LLGL1: variants seen among roughly 807,000 people sequenced by gnomAD.
LLGL1 encodes LLGL scribble cell polarity complex component 1.
A neutral mutation model predicts 110.6 loss-of-function variants in LLGL1; 58 were observed. That is an observed-to-expected ratio of 0.52 (90% CI 0.42 to 0.65). The LOEUF (loss-of-function observed/expected upper bound fraction) is 0.65. Ranked by LOEUF, LLGL1 falls within the 30% of genes least tolerant of loss-of-function variation. The pLI is 0.00. For missense variants in LLGL1, 1,229 were observed against 1,462.1 expected, an observed-to-expected ratio of 0.84 and a Z score of 2.60; for synonymous variants, 674 against 607.2, an observed-to-expected ratio of 1.11 and a Z score of -1.62.
chr17:18,237,325 A>G (rs1160905778), intron 13 of LLGL1, 156 bp from the exon 14 acceptor site: 1 of 700,456 alleles, frequency 1.4e-6, no homozygotes, highest in African/African-American at 1.8e-5. Flanking sequence ...GGTATACAGT[A>G]GGCATTCAGT....
In LLGL1 at chr17:18,231,466, C is replaced by T. The variant is rs150111992; in HGVS notation, c.180-1029C>T. 8.8e-3 allele frequency among the ~76,000 whole-genome samples: 1,340 copies of T among 152,304 alleles called. 12 individuals carry two copies. Among genetic ancestry groups the T allele is most frequent in the Non-Finnish European group, 0.014 (977 of 68,028 alleles). ...CCTCCCTGCACCCTCTGTCATGGGG[C>T]CCCCTCAGGCCCTGCTGTCCACCAT... On this transcript the variant is annotated intron_variant, in intron 2 of 22. Coordinates refer to ENST00000316843, the MANE Select transcript of LLGL1 (RefSeq NM_004140.4).
Position 18,241,930 on chromosome 17 carries a change from G to A in LLGL1, c.2813G>A (p.Ser938Asn), listed in dbSNP as rs907559516. ...SPSEFERFSL[S>N]ARNITEPLCS... ...TCAGAATTTGAACGCTTCTCCCTAA[G>A]TGCCCGGAACATCACAGAGCCGCTC... Residue 938 changes from serine to asparagine, a missense_variant, in exon 19 of 23, where the codon AGT (serine) becomes AAT (asparagine). Coordinates refer to ENST00000316843, the MANE Select transcript of LLGL1 (RefSeq NM_004140.4). 1.4e-5 allele frequency: 22 copies of A among 1,614,006 alleles called. No homozygotes were observed. Among genetic ancestry groups the A allele is most frequent in the Non-Finnish European group, 1.9e-5 (22 of 1,179,990 alleles).
At chr17:18,230,108 G>A in intron 2 of LLGL1, 70 bp downstream of exon 2, 1 of 1,242,120 alleles carries the variant, frequency 8.1e-7, no homozygotes, top group Non-Finnish European at 1.2e-6. Context: ...GTGCTCTGGG[G>A]TCCCAGTCTT....
chr17:18,234,080 G>C lies in LLGL1; in HGVS notation c.619G>C (p.Asp207His), dbSNP rs1284180579. 6.2e-7 allele frequency: 1 copy of C among 1,611,584 alleles called. No individual in the cohort carries two copies. Reference sequence around the variant, plus strand: ...GGAGTCACTCCAGGGACACCTGCGGGACCCCACAAAGATTCTCATTGGCTA... The same window carrying C: ...GGAGTCACTCCAGGGACACCTGCGGCACCCCACAAAGATTCTCATTGGCTA... The part of the protein sequence containing the change: ...PVESLQGHLR[D>H]PTKILIGYSR... The change falls in exon 6 of 23, where the codon GAC becomes CAC. Residue 207 changes from aspartate (D) to histidine (H), a missense_variant. By Grantham distance (81) the Asp-to-His change is moderately conservative (BLOSUM62 -1). Transcript: ENST00000316843.
rs745686309 is a variant in LLGL1 at position 18,234,642 on chromosome 17, C to G, written c.851-7C>G. 6.2e-7 allele frequency: 1 copy of G among 1,614,112 alleles called. No homozygotes were observed. The highest frequency in any genetic ancestry group is 2.2e-5 in the East Asian group (1 of 44,888). On this transcript the variant is annotated splice_region_variant and splice_polypyrimidine_tract_variant and intron_variant, in intron 7 of 22. Transcript: ENST00000316843. ...TGAGTCTGGTCTGACGCTGTCCCAC[C>G]CCTCAGGCCCCTTTCCCTGCAAGGC...
chr17:18,238,908 G>A (rs2142680926), intron 16 of LLGL1, among the ~76,000 whole-genome samples: 1 of 152,336 alleles, frequency 6.6e-6, no homozygotes, highest in South Asian at 2.1e-4. Flanking sequence ...CTACTTGGGA[G>A]GCTGAGGCAG....
chr17:18,237,986 G>T (rs909987188), intron 14 of LLGL1, 81 bp from the exon 15 acceptor site: 16 of 1,515,978 alleles, frequency 1.1e-5, no homozygotes, highest in Non-Finnish European at 1.1e-5. Context: ...CCTGACCTGG[G>T]TGCCTCCACA....
At chr17:18,228,759 G>A (rs541905474) in intron 1 of LLGL1, among the ~76,000 whole-genome samples, 1 of 152,278 alleles carries the variant, frequency 6.6e-6, no homozygotes, top group South Asian at 2.1e-4. Context: ...GTGGGAGAGA[G>A]AAGCCCCAGC....
Position 18,236,621 on chromosome 17 carries a change from C to T in LLGL1, c.1367C>T (p.Thr456Ile). Residue 456 changes from threonine to isoleucine, a missense_variant, in exon 12 of 23, where the codon ACC becomes ATC. Physicochemically the swap from Thr to Ile is moderately conservative, Grantham distance 89. Transcript: ENST00000316843. The stretch of plus-strand genomic sequence containing the variant: ...CCTCCCTGCAGCCATGAGGACGGCA[C>T]CGTGAGGTTCTGGGATGCCTCGGGT... ...GLLLTGHEDG[T>I]VRFWDASGVA... 1 of 1,612,148 alleles carries T rather than the reference C, an allele frequency of 6.2e-7. No individual in the cohort carries two copies. Among genetic ancestry groups the T allele is most frequent in the Non-Finnish European group, 8.5e-7 (1 of 1,179,378 alleles).
rs1449791423 is a variant in LLGL1, at chr17:18,240,899, C to CTT, written c.2502+27_2502+28insTT. 1 of 1,487,934 alleles carries CTT rather than the reference C, an allele frequency of 6.7e-7. No homozygotes were observed. Among genetic ancestry groups the CTT allele is most frequent in the Non-Finnish European group, 9.0e-7 (1 of 1,109,632 alleles). The allele number at this position is 1,487,934 out of a possible 1,614,324, so 92.2% of individuals were successfully genotyped here. A position where few individuals can be genotyped will look rare whatever the true frequency, so the allele number is the denominator to read the frequency against. Reference sequence around the variant, plus strand: ...GTGAGCCACTGTGGGCTGTGGGGGACTCTGGGGGACTCCCCTCCAGGCCCC... The same window carrying CTT: ...GTGAGCCACTGTGGGCTGTGGGGGACTTTCTGGGGGACTCCCCTCCAGGCCCC... On this transcript the variant is annotated intron_variant, in intron 17 of 22. Coordinates refer to ENST00000316843, the MANE Select transcript of LLGL1 (RefSeq NM_004140.4). This position sits in a 1 kb window ranked among gnomAD's most constrained non-coding sequence, Gnocchi z 5.3.
rs1045480644 is a variant in LLGL1, at chr17:18,234,858, A to G, written c.925A>G (p.Ser309Gly). The G allele has an allele frequency of 6.2e-7, 1 of 1,613,856 alleles. No individual in the cohort carries two copies. The highest frequency in any genetic ancestry group is 8.5e-7 in the Non-Finnish European group (1 of 1,179,984). The change falls in exon 9 of 23, where the codon AGC becomes GGC. Residue 309 changes from serine (S) to glycine (G), a missense_variant. Coordinates refer to ENST00000316843, the MANE Select transcript of LLGL1 (RefSeq NM_004140.4). ...CESGGHFIIF[S>G]GGMPRASYGD... ...ACATAGGGGCCACTTTATCATCTTC[A>G]GCGGTGGCATGCCCCGTGCCAGCTA...
rs777704176 is a variant in LLGL1 at position 18,238,128 on chromosome 17, C to G, written c.1966C>G (p.Leu656Val). 6.2e-7 allele frequency: 1 copy of G among 1,613,894 alleles called. No individual in the cohort carries two copies. Among genetic ancestry groups the G allele is most frequent in the Non-Finnish European group, 8.5e-7 (1 of 1,180,022 alleles). ...MEGPLSRVKSLKKSLRQSFRR... is the reference protein window; with the variant it reads ...MEGPLSRVKSVKKSLRQSFRR... ...GGGTCCGCTCTCCCGGGTGAAGTCT[C>G]TCAAGAAGTCACTGCGCCAGTCTTT... is the stretch of plus-strand genomic sequence containing the variant. The change falls in exon 15 of 23, where the codon CTC becomes GTC. Residue 656 changes from leucine (L) to valine (V), a missense_variant. By Grantham distance (32) the Leu-to-Val change is conservative (BLOSUM62 1). Coordinates refer to ENST00000316843, the MANE Select transcript of LLGL1 (RefSeq NM_004140.4).
chr17:18,230,714 C>T lies in LLGL1; in HGVS notation c.179+676C>T, dbSNP rs536094727. 3.9e-5 allele frequency among the ~76,000 whole-genome samples: 6 copies of T among 152,314 alleles called. No individual in the cohort carries two copies. The East Asian group carries it at 9.6e-4, about 24-fold the overall frequency. ...GCGGCTTGGTGAGGGGTGCTGACCCCTACCCCTCCTGTGTGGCCTTCTGGG... is the reference window on the plus strand; with the variant it reads ...GCGGCTTGGTGAGGGGTGCTGACCCTTACCCCTCCTGTGTGGCCTTCTGGG... On this transcript the variant is annotated intron_variant, in intron 2 of 22. Transcript: ENST00000316843.
chr17:18,228,496 C>T (rs1294953892), intron 1 of LLGL1, among the ~76,000 whole-genome samples: 5 of 152,120 alleles, frequency 3.3e-5, no homozygotes, highest in African/African-American at 7.2e-5. Flanking sequence ...AATCCAGGCA[C>T]GTGACGGTGG....
Position 18,240,874 on chromosome 17 carries a change from G to A in LLGL1, c.2502+1G>A. The A allele has an allele frequency of 6.6e-7, 1 of 1,517,258 alleles. No homozygotes were observed. The highest frequency in any genetic ancestry group is 8.9e-7 in the Non-Finnish European group (1 of 1,123,460). 94.0% of individuals were successfully genotyped at this position (1,517,258 alleles called of 1,614,324 possible). On this transcript the variant is annotated splice_donor_variant, in intron 17 of 22. Transcript: ENST00000316843. LOFTEE classifies it high-confidence loss of function. The surrounding 1 kb of genome is among the most constrained non-coding windows in gnomAD (Gnocchi z 5.3). ...CATCGCATCTGAGGAGCAGTTCAAG[G>A]TGAGCCACTGTGGGCTGTGGGGGAC...
At chr17:18,225,792 G>A in intron 1 of LLGL1, 29 bp downstream of exon 1, 1 of 953,970 alleles carries the variant, frequency 1.0e-6, no homozygotes, top group South Asian at 4.4e-5. Context: ...CCCGGGCTCG[G>A]GCGGGAGGGG....
intron 22 of LLGL1, 125 bp downstream of exon 22, chr17:18,242,947 T>C: frequency 1.1e-6 from 1 of 893,650 alleles, no homozygotes; most frequent in Non-Finnish European, 1.7e-6. Flanking sequence ...TGGCACTCTC[T>C]GAAACCTGGC....
Position 18,238,174 on chromosome 17 carries a change from G to A in LLGL1, c.2012G>A (p.Arg671His), listed in dbSNP as rs374663368. Reference protein sequence around the residue: ...RQSFRRIRKSRVSGKKRAANA... With the variant: ...RQSFRRIRKSHVSGKKRAANA... ...TCTTTCCGGCGCATTCGCAAGAGTC[G>A]TGTCTCTGGCAAGAAGCGGGCTGCT... The change falls in exon 15 of 23, where the codon CGT becomes CAT. Residue 671 changes from arginine to histidine, a missense_variant. By Grantham distance (29) the Arg-to-His change is conservative. Coordinates refer to ENST00000316843, the MANE Select transcript of LLGL1 (RefSeq NM_004140.4). The A allele has an allele frequency of 2.3e-5, 37 of 1,612,884 alleles. 1 individual carries two copies. The South Asian group carries it at 2.6e-4, about 11-fold the overall frequency.
chr17:18,238,173 C>T lies in LLGL1; in HGVS notation c.2011C>T (p.Arg671Cys), dbSNP rs1458206874. Residue 671 changes from arginine to cysteine, a missense_variant, in exon 15 of 23, where the codon CGT (arginine) becomes TGT (cysteine). Coordinates refer to ENST00000316843, the MANE Select transcript of LLGL1 (RefSeq NM_004140.4). ...GTCTTTCCGGCGCATTCGCAAGAGT[C>T]GTGTCTCTGGCAAGAAGCGGGCTGC... ...RQSFRRIRKS[R>C]VSGKKRAANA... 3 of 1,613,090 alleles carry T rather than the reference C, an allele frequency of 1.9e-6. No individual in the cohort carries two copies. Among genetic ancestry groups the T allele is most frequent in the South Asian group, 1.1e-5 (1 of 91,070 alleles).
Sources: allele counts gnomAD v4.1 joint callset (sites outside exome capture counted in the v4.1 genomes callset), GRCh38; gene constraint gnomAD v4.1.1; non-coding constraint Gnocchi (gnomAD v3.1); transcripts MANE v1.5; gene names NCBI Gene and HGNC (gene_info 2026-07-23, HGNC 2026-07-21).